The following COA1 variants were observed in gnomAD, a reference collection of about 807,000 sequenced individuals.
COA1 encodes cytochrome c oxidase assembly factor 1.
Under a neutral mutation model 16.0 loss-of-function variants are expected in COA1, and 13 were observed. The ratio of observed to expected loss-of-function variants is 0.81; its 90% CI spans 0.53 to 1.29. The LOEUF is 1.29. Ranked by LOEUF, COA1 falls within the 50% of genes most tolerant of loss-of-function variation. The pLI is 0.00. For synonymous variants in COA1, 65 were observed against 65.7 expected, an observed-to-expected ratio of 0.99 and a Z score of 0.05; for missense variants, 179 against 177.0, an observed-to-expected ratio of 1.01 and a Z score of -0.06.
intron 1 of COA1, among the ~76,000 whole-genome samples, chr7:43,676,627 A>G (rs992790): frequency 0.43 from 65,738 of 151,934 alleles, 14,667 homozygotes; most frequent in African/African-American, 0.55. Context: ...AGGTAACATA[A>G]TATATAGTTT....
At chr7:43,612,280 G>A (rs978334607) in intron 6 of COA1, among the ~76,000 whole-genome samples, 30 of 152,148 alleles carry the variant, frequency 2.0e-4, no homozygotes, top group African/African-American at 7.2e-4. Flanking sequence ...ACATGTCTCT[G>A]AGTCAACTAC....
chr7:43,686,854 A>T (rs2094059483), intron 1 of COA1, among the ~76,000 whole-genome samples: 1 of 152,206 alleles, frequency 6.6e-6, no homozygotes, highest in African/African-American at 2.4e-5. Context: ...ACAAGTATTT[A>T]AAAAATTGAT....
chr7:43,631,580 TC>T (rs2085176906), intron 6 of COA1: 1 of 152,212 alleles, frequency 6.6e-6, no homozygotes, highest in Non-Finnish European at 1.5e-5. Context: ...CCTTCTGGCC[TC>T]CATGGTTTCC....
At chr7:43,662,792 TAA>T (rs1054534484) in intron 1 of COA1, among the ~76,000 whole-genome samples, 3 of 152,188 alleles carry the variant, frequency 2.0e-5, no homozygotes, top group African/African-American at 7.2e-5. Context: ...AGAACCCACA[TAA>T]ACAACAGAAT....
intron 1 of COA1, among the ~76,000 whole-genome samples, chr7:43,686,853 T>TA (rs1246016335): frequency 7.2e-5 from 11 of 152,188 alleles, no homozygotes; most frequent in African/African-American, 2.7e-4. Context: ...TACAAGTATT[T>TA]AAAAAATTGA....
At chr7:43,711,589 T>C (rs2095250891) in intron 1 of COA1, 2 of 152,194 alleles carry the variant, frequency 1.3e-5, no homozygotes, top group Non-Finnish European at 2.9e-5. Flanking sequence ...CAGGATACAT[T>C]CTAAGAAATG....
chr7:43,677,800 TAAAA>T (rs11310207), intron 1 of COA1, among the ~76,000 whole-genome samples: 13,595 of 116,772 alleles, frequency 0.12, 866 homozygotes, highest in Non-Finnish European at 0.16. Context: ...GGCTCTGTCT[TAAAA>T]AAAAAAAAAA....
At chr7:43,699,634 T>C (rs747434048) in intron 1 of COA1, among the ~76,000 whole-genome samples, 14 of 152,186 alleles carry the variant, frequency 9.2e-5, no homozygotes, top group Non-Finnish European at 1.3e-4. Flanking sequence ...TGTTTCAATA[T>C]GTCCTACACA....
chr7:43,623,728 TATGTC>T, intron 6 of COA1: 1 of 1,607,344 alleles, frequency 6.2e-7, no homozygotes, highest in Non-Finnish European at 8.5e-7. Flanking sequence ...AGTGTTAACA[TATGTC>T]ATGCTTACAG....
chr7:43,710,348 C>CAAAAAAAAAAA (rs1165121530), intron 1 of COA1, among the ~76,000 whole-genome samples: 1 of 52,442 alleles, frequency 1.9e-5, no homozygotes, highest in Non-Finnish European at 3.5e-5. Context: ...GACTCTGTCT[C>CAAAAAAAAAAA]AAAAAAAAAA....
At position 43,644,422 on chromosome 7, in the gene COA1, T is replaced by C. The variant is rs374501597; in HGVS notation, c.264+829A>G. The stretch of plus-strand genomic sequence containing the variant: ...AAAAGATAAGTTATAGCTAAAAAAA[T>C]GGGTTGGTATTCTGTGGAAGCAATG... On this transcript the variant is annotated intron_variant, in intron 4 of 5. Transcript: ENST00000223336. 2.6e-4 allele frequency among the ~76,000 whole-genome samples: 40 copies of C among 152,206 alleles called. No individual in the cohort carries two copies. In the South Asian group the frequency reaches 8.1e-3, roughly 31 times the overall value.
chr7:43,713,764 T>C (rs1326556454), intron 1 of COA1, among the ~76,000 whole-genome samples: 1 of 151,996 alleles, frequency 6.6e-6, no homozygotes, highest in Admixed American at 6.6e-5. Context: ...TAGAGCTAGG[T>C]GCACTGGCTC....
At chr7:43,674,954 T>A (rs1356870272) in intron 1 of COA1, among the ~76,000 whole-genome samples, 1 of 152,218 alleles carries the variant, frequency 6.6e-6, no homozygotes, top group East Asian at 1.9e-4. Context: ...TCCAAGTTTG[T>A]TTTCAACAGA....
chr7:43,685,950 C>CA (rs1024559575), intron 1 of COA1, among the ~76,000 whole-genome samples: 8 of 152,042 alleles, frequency 5.3e-5, no homozygotes, highest in Non-Finnish European at 7.4e-5. Flanking sequence ...CTGGTTGATA[C>CA]AAAAAAATCA....
At chr7:43,644,749 GATAGA>G in intron 4 of COA1, among the ~76,000 whole-genome samples, 1 of 96,348 alleles carries the variant, frequency 1.0e-5, no homozygotes, top group African/African-American at 3.8e-5. Flanking sequence ...TAGATAGATA[GATAGA>G]TAGATAGGCA....
chr7:43,702,038 T>C (rs1486969295), intron 1 of COA1, among the ~76,000 whole-genome samples: 1 of 152,156 alleles, frequency 6.6e-6, no homozygotes, highest in Non-Finnish European at 1.5e-5. Context: ...ATCTGTTTAC[T>C]CTGTTGATAG....
chr7:43,617,602 G>A (rs985376086), intron 6 of COA1, among the ~76,000 whole-genome samples: 2 of 152,272 alleles, frequency 1.3e-5, no homozygotes. Context: ...ATTTAGGAAG[G>A]AAAATAGGAG....
Position 43,620,478 on chromosome 7 carries a change from C to T in COA1, c.*134-10983G>A, listed in dbSNP as rs142505676. On this transcript the variant is annotated intron_variant and NMD_transcript_variant, in intron 6 of 6. Coordinates refer to the COA1 transcript ENST00000415076. Reference sequence around the variant, plus strand: ...TCACTTGAGGCCAGGAATCTGAGACCAGCCTGGCCAACATGGCAAAACCCG... The same window carrying T: ...TCACTTGAGGCCAGGAATCTGAGACTAGCCTGGCCAACATGGCAAAACCCG... Among the ~76,000 whole-genome samples, 1,118 of 152,170 alleles carry T rather than the reference C, an allele frequency of 7.3e-3. 6 individuals are homozygous for T. The highest frequency in any genetic ancestry group is 0.021 in the Middle Eastern group (6 of 292).
intron 6 of COA1, among the ~76,000 whole-genome samples, chr7:43,610,229 C>A (rs2152976277): frequency 6.6e-6 from 1 of 151,972 alleles, no homozygotes; most frequent in East Asian, 1.9e-4. Context: ...TGCCTGTAGT[C>A]CCAGCTACTT....
Sources: gnomAD v4.1 joint callset for allele counts (sites outside exome capture counted in the v4.1 genomes callset) on GRCh38, gnomAD v4.1.1 for gene constraint, MANE v1.5 for transcripts, NCBI Gene and HGNC (gene_info 2026-07-23, HGNC 2026-07-21) for gene names.